Variants in PAX5 observed in about 807,000 individuals in gnomAD.
PAX5 encodes paired box 5, also known as paired box protein Pax-5.
A neutral mutation model predicts 43.7 loss-of-function variants in PAX5; 9 were observed. That is an observed-to-expected ratio of 0.21 (90% CI 0.12 to 0.36). PAX5 has a LOEUF of 0.36. PAX5 is among the 10% of genes least tolerant of loss of function. The pLI is 1.00. For synonymous variants in PAX5, 228 were observed against 214.3 expected, an observed-to-expected ratio of 1.06 and a Z score of -0.56; for missense variants, 383 against 532.7, an observed-to-expected ratio of 0.72 and a Z score of 2.77.
At chr9:36,917,828 T>C (rs531728582) in intron 7 of PAX5, among the ~76,000 whole-genome samples, 1 of 152,386 alleles carries the variant, frequency 6.6e-6, no homozygotes, top group East Asian at 1.9e-4. Flanking sequence ...GCTCCCTTCC[T>C]GTCTCTGGGT....
chr9:36,861,221 T>A (rs1339791208), intron 8 of PAX5: 1 of 151,734 alleles, frequency 6.6e-6, no homozygotes, highest in Admixed American at 6.6e-5. Flanking sequence ...CATCCATTCA[T>A]CTATCAGATA....
intron 7 of PAX5, among the ~76,000 whole-genome samples, chr9:36,897,279 G>T (rs533744920): frequency 6.6e-6 from 1 of 152,272 alleles, no homozygotes; most frequent in African/African-American, 2.4e-5. Flanking sequence ...CTTCACGCTG[G>T]CTGGAAAACC....
chr9:36,986,390 C>G (rs1022282270), intron 5 of PAX5, among the ~76,000 whole-genome samples: 1 of 149,770 alleles, frequency 6.7e-6, no homozygotes, highest in Non-Finnish European at 1.5e-5. Context: ...CGCCGGCCGC[C>G]GATTAGTTTT....
chr9:36,978,115 T>C (rs1379768089), intron 5 of PAX5, among the ~76,000 whole-genome samples: 1 of 152,254 alleles, frequency 6.6e-6, no homozygotes, highest in African/African-American at 2.4e-5. Flanking sequence ...GGGATTTCTC[T>C]GTGCTAAAAT....
chr9:36,891,341 G>A (rs972427597), intron 7 of PAX5, among the ~76,000 whole-genome samples: 1 of 152,214 alleles, frequency 6.6e-6, no homozygotes, highest in African/African-American at 2.4e-5. Context: ...AGGGAGAGGG[G>A]GAGAAACAGC....
chr9:36,951,260 A>T (rs11998778), intron 6 of PAX5, among the ~76,000 whole-genome samples: 23,267 of 152,136 alleles, frequency 0.15, 2,393 homozygotes, highest in African/African-American at 0.3. Flanking sequence ...GTTGTGCAAA[A>T]CTTACAAATA....
At chr9:36,851,080 G>C (rs1012724493) in intron 8 of PAX5, among the ~76,000 whole-genome samples, 4 of 152,244 alleles carry the variant, frequency 2.6e-5, no homozygotes, top group Non-Finnish European at 5.9e-5. Context: ...TTGGGCAAGC[G>C]ATTGAACCTT....
At chr9:36,911,581 C>T (rs1010909295) in intron 7 of PAX5, among the ~76,000 whole-genome samples, 1 of 152,204 alleles carries the variant, frequency 6.6e-6, no homozygotes, top group African/African-American at 2.4e-5. Flanking sequence ...TTTTTTACAG[C>T]GCCTTTTGGC....
At chr9:36,917,927 C>A (rs10814477) in intron 7 of PAX5, among the ~76,000 whole-genome samples, 37,674 of 151,914 alleles carry the variant, frequency 0.25, 5,390 homozygotes, top group East Asian at 0.5. Context: ...CTTTGATATT[C>A]CTATTCTAAT....
intron 6 of PAX5, among the ~76,000 whole-genome samples, chr9:36,941,003 C>T (rs1216164243): frequency 6.6e-6 from 1 of 152,208 alleles, no homozygotes; most frequent in Non-Finnish European, 1.5e-5. Context: ...GGAACAGGCC[C>T]AGAAGCACTA....
intron 1 of PAX5, among the ~76,000 whole-genome samples, chr9:37,024,632 C>T (rs1840140451): frequency 6.6e-6 from 1 of 152,212 alleles, no homozygotes; most frequent in African/African-American, 2.4e-5. Flanking sequence ...GCTAGACTGG[C>T]TGGGGCCCAG....
intron 9 of PAX5, among the ~76,000 whole-genome samples, chr9:36,842,730 CTCCTATTCTAA>C (rs1462178974): frequency 2.0e-5 from 3 of 152,202 alleles, no homozygotes; most frequent in Non-Finnish European, 4.4e-5. Flanking sequence ...GCCACAGGCA[CTCCTATTCTAA>C]TCCTAATTGA....
intron 5 of PAX5, among the ~76,000 whole-genome samples, chr9:36,968,231 C>G (rs1319370728): frequency 1.3e-5 from 2 of 152,214 alleles, no homozygotes; most frequent in Non-Finnish European, 2.9e-5. Context: ...GACCCCTGCC[C>G]CCACCAGTGC....
At chr9:36,934,194 C>G (rs566218323) in intron 6 of PAX5, among the ~76,000 whole-genome samples, 37 of 152,346 alleles carry the variant, frequency 2.4e-4, no homozygotes, top group Non-Finnish European at 3.7e-4. Flanking sequence ...CCAGGCACCT[C>G]TCACTCTTGG....
chr9:36,969,778 C>T (rs889013138), intron 5 of PAX5, among the ~76,000 whole-genome samples: 11 of 152,334 alleles, frequency 7.2e-5, no homozygotes, highest in African/African-American at 2.6e-4. Context: ...CGAAGGGCTG[C>T]GAGCTGGGCA....
At chr9:37,003,146 T>G (rs1838065151) in intron 4 of PAX5, among the ~76,000 whole-genome samples, 1 of 103,452 alleles carries the variant, frequency 9.7e-6, no homozygotes, top group Non-Finnish European at 1.8e-5. Flanking sequence ...CCACCAACAG[T>G]CAGTGCTTAA....
chr9:36,849,485 C>A (rs1456380447), intron 8 of PAX5, among the ~76,000 whole-genome samples: 2 of 152,168 alleles, frequency 1.3e-5, no homozygotes, highest in African/African-American at 4.8e-5. Flanking sequence ...CAGGGCCTGG[C>A]CTCTAGTAGG....
At chr9:36,981,249 C>A (rs947964573) in intron 5 of PAX5, among the ~76,000 whole-genome samples, 1 of 144,972 alleles carries the variant, frequency 6.9e-6, no homozygotes, top group Admixed American at 7.0e-5. Flanking sequence ...TCCTCCAGAG[C>A]ATAGAACAGC....
Position 36,837,796 on chromosome 9 carries a change from CAGG to C in PAX5, c.*2761_*2763del, listed in dbSNP as rs1367613266. On this transcript the variant is annotated 3_prime_UTR_variant, in exon 10 of 10. Coordinates refer to ENST00000358127, the MANE Select transcript of PAX5 (RefSeq NM_016734.3). ...GGAAAGGTATGGGGGGAGCTCATTA[CAGG>C]GCAAGAAGAGGAACAGGATGGGGAG... 4.3e-6 allele frequency: 1 copy of C among 233,444 alleles called. No homozygotes were observed. 14.5% of individuals were successfully genotyped at this position (233,444 alleles called of 1,614,324 possible). A position where few individuals can be genotyped will look rare whatever the true frequency, so the allele number is the denominator to read the frequency against.
Sources: gnomAD v4.1 joint callset for allele counts (sites outside exome capture counted in the v4.1 genomes callset) on GRCh38, gnomAD v4.1.1 for gene constraint, MANE v1.5 for transcripts, NCBI Gene and HGNC (gene_info 2026-07-23, HGNC 2026-07-21) for gene names.